Variants in CHD2 observed in about 807,000 individuals in gnomAD.
The protein encoded by CHD2 is ATP-dependent chromatin remodeler CHD2.
In CHD2, 28 loss-of-function variants were observed where a neutral mutation model predicts 243.9. The observed-to-expected ratio is 0.11, with a 90% CI of 0.09 to 0.16. The LOEUF (loss-of-function observed/expected upper bound fraction) is 0.16. Ranked by LOEUF, CHD2 falls within the 10% of genes least tolerant of loss-of-function variation. CHD2 has a pLI of 1.00. For synonymous variants in CHD2, 775 were observed against 779.0 expected (o/e 0.99, Z 0.09); for missense variants, 1,386 against 2,209.8 (o/e 0.63, Z 7.47).
intron 2 of CHD2, chr15:92,904,413 A>G (rs563454166): frequency 3.1e-6 from 3 of 962,434 alleles, no homozygotes; most frequent in South Asian, 4.7e-5. Context: ...GGGGGCGGGG[A>G]GAGAACGCAG....
At position 92,946,236 on chromosome 15, in the gene CHD2, T is replaced by C; in HGVS notation, c.1377+20T>C. The C allele has an allele frequency of 1.3e-6, 2 of 1,588,192 alleles. No individual in the cohort carries two copies. Among genetic ancestry groups the C allele is most frequent in the Non-Finnish European group, 1.7e-6 (2 of 1,164,516 alleles). ...TGCAAGGTATGGTGATGGTTGGCTT[T>C]TGTTTTTTCAGGGAGAAGATATACT... On this transcript the variant is annotated intron_variant, in intron 12 of 38. Coordinates refer to ENST00000394196, the MANE Select transcript of CHD2 (RefSeq NM_001271.4).
At position 92,948,999 on chromosome 15, in the gene CHD2, A is replaced by G; in HGVS notation, c.1425A>G (p.Ala475=). ...TTGTAGCTTTAAAGAAACAACCTGC[A>G]TATTTAGGAGGGGAGAATCTGGAAC... is the stretch of plus-strand genomic sequence containing the variant. ...PRFVALKKQP[A]YLGGENLELR... Residue 475 remains alanine (A), a synonymous_variant, in exon 13 of 39, where the codon GCA becomes GCG. Coordinates refer to ENST00000394196, the MANE Select transcript of CHD2 (RefSeq NM_001271.4). 6.2e-7 allele frequency: 1 copy of G among 1,614,140 alleles called. No individual in the cohort carries two copies. The highest frequency in any genetic ancestry group is 8.5e-7 in the Non-Finnish European group (1 of 1,180,026).
At chr15:92,901,143 T>TA (rs2052523260) in intron 1 of CHD2, 24 bp from the exon 2 acceptor site, 3 of 742,168 alleles carry the variant, frequency 4.0e-6, no homozygotes, top group South Asian at 3.0e-5. Flanking sequence ...GCCGGGACCT[T>TA]ACCTTTCTTT....
intron 26 of CHD2, among the ~76,000 whole-genome samples, chr15:92,987,251 T>C (rs1218697241): frequency 6.6e-6 from 1 of 152,180 alleles, no homozygotes; most frequent in African/African-American, 2.4e-5. Flanking sequence ...CTATTTTCAG[T>C]TTGATATTAG....
intron 7 of CHD2, among the ~76,000 whole-genome samples, chr15:92,941,496 C>G (rs745747847): frequency 2.0e-4 from 30 of 151,562 alleles, no homozygotes; most frequent in Non-Finnish European, 3.7e-4. Context: ...GTGTGGTAGT[C>G]TACTTGTTTA....
At chr15:92,912,845 A>G (rs1033545460) in intron 2 of CHD2, among the ~76,000 whole-genome samples, 3 of 152,226 alleles carry the variant, frequency 2.0e-5, no homozygotes, top group African/African-American at 4.8e-5. Flanking sequence ...CCACTGCGCC[A>G]GGCCCTGACA....
At chr15:93,010,496 G>A (rs2054378748) in intron 35 of CHD2, among the ~76,000 whole-genome samples, 1 of 151,128 alleles carries the variant, frequency 6.6e-6, no homozygotes. Context: ...CACAATCTTG[G>A]CACTGCAACC....
chr15:92,919,375 T>C (rs146482510), intron 2 of CHD2, among the ~76,000 whole-genome samples: 132 of 152,226 alleles, frequency 8.7e-4, no homozygotes, highest in African/African-American at 3.0e-3. Context: ...CTGATTCTGG[T>C]TCCAAAAACA....
intron 14 of CHD2, chr15:92,953,802 T>C (rs1390571525): frequency 1.9e-6 from 1 of 520,044 alleles, no homozygotes; most frequent in Non-Finnish European, 3.4e-6. Flanking sequence ...GGAATCTCTT[T>C]TAGCTGGGTT....
intron 7 of CHD2, 45 bp from the exon 8 acceptor site, chr15:92,941,777 C>G: frequency 1.3e-6 from 2 of 1,596,308 alleles, no homozygotes; most frequent in South Asian, 1.1e-5. Context: ...CAGTTTAATT[C>G]TGAAGAGATC....
chr15:93,007,314 A>G (rs186745767), intron 34 of CHD2, among the ~76,000 whole-genome samples: 3 of 152,360 alleles, frequency 2.0e-5, no homozygotes, highest in Non-Finnish European at 4.4e-5. Context: ...GTGGTCATTC[A>G]TGTTCCTTGT....
intron 16 of CHD2, among the ~76,000 whole-genome samples, chr15:92,958,007 T>C (rs779115223): frequency 1.2e-4 from 19 of 152,202 alleles, no homozygotes; most frequent in Admixed American, 1.2e-3. Flanking sequence ...TTCTCTTTCA[T>C]TGGGTAATAT....
intron 20 of CHD2, among the ~76,000 whole-genome samples, chr15:92,975,298 C>CT (rs1450529531): frequency 6.6e-6 from 1 of 152,146 alleles, no homozygotes; most frequent in Non-Finnish European, 1.5e-5. Context: ...CTTTTGGTGA[C>CT]TAAGTCCTGA....
chr15:92,987,979 A>T (rs771886812), intron 26 of CHD2, among the ~76,000 whole-genome samples: 2 of 152,164 alleles, frequency 1.3e-5, no homozygotes, highest in Non-Finnish European at 2.9e-5. Flanking sequence ...CCCCAGTTAT[A>T]GCTCACCATC....
chr15:92,904,923 A>G, intron 2 of CHD2: 1 of 1,536,042 alleles, frequency 6.5e-7, no homozygotes, highest in Non-Finnish European at 8.7e-7. Context: ...TCATAAACAA[A>G]GGGAAGATTA....
Position 92,984,401 on chromosome 15 carries a change from C to T in CHD2, c.3138C>T (p.Ile1046=). The T allele has an allele frequency of 6.2e-7, 1 of 1,610,990 alleles. No individual in the cohort carries two copies. Among genetic ancestry groups the T allele is most frequent in the South Asian group, 1.1e-5 (1 of 90,476 alleles). Residue 1046 remains isoleucine (I), a synonymous_variant, in exon 25 of 39, where the codon ATC becomes ATT. Coordinates refer to ENST00000394196, the MANE Select transcript of CHD2 (RefSeq NM_001271.4). ...GTCCTCACAAGGACTGGGATGAGAT[C>T]ATTCCAGAGGAACAAAGGAAAAAAG... The part of the protein sequence containing the change: ...EERPHKDWDE[I]IPEEQRKKVE...
chr15:92,901,837 CCT>C (rs1269837373), intron 2 of CHD2: 2 of 260,270 alleles, frequency 7.7e-6, no homozygotes, highest in Admixed American at 5.3e-5. Context: ...TTGACTGATG[CCT>C]CTCAGTTTAT....
rs77002227 is a variant in CHD2, at chr15:92,990,341, C to T, written c.3414-1135C>T. On this transcript the variant is annotated intron_variant, in intron 26 of 38. Transcript: ENST00000394196. ...TGGGAATAGTGCAAGTTAAAAAATG[C>T]CTTGAAGCTTGCTGAGCCATTTTCT... Among the ~76,000 whole-genome samples, 394 of 152,260 alleles carry T rather than the reference C, an allele frequency of 2.6e-3. 4 individuals are homozygous for T. Among genetic ancestry groups the T allele is most frequent in the African/African-American group, 9.0e-3 (375 of 41,552 alleles).
At chr15:92,923,429 T>C (rs765667121) in intron 2 of CHD2, among the ~76,000 whole-genome samples, 29 of 152,218 alleles carry the variant, frequency 1.9e-4, no homozygotes, top group Non-Finnish European at 3.5e-4. Flanking sequence ...CCCAGCTAAT[T>C]TAAACATTTT....
Sources: gnomAD v4.1 joint callset for allele counts (sites outside exome capture counted in the v4.1 genomes callset) on GRCh38, gnomAD v4.1.1 for gene constraint, MANE v1.5 for transcripts, NCBI Gene and HGNC (gene_info 2026-07-23, HGNC 2026-07-21) for gene names.